Variants in GMPS observed in about 807,000 individuals in gnomAD.
The protein encoded by GMPS is GMP synthase [glutamine-hydrolyzing].
In GMPS, 15 loss-of-function variants were observed where a neutral mutation model predicts 77.9. That is an observed-to-expected ratio of 0.19 (90% CI 0.13 to 0.30). GMPS has a LOEUF of 0.30. GMPS is among the 10% of genes least tolerant of loss of function. The pLI, the probability that GMPS is intolerant of heterozygous loss-of-function variation, is 1.00. For missense variants in GMPS, 590 were observed against 838.8 expected, an observed-to-expected ratio of 0.70 and a Z score of 3.66; for synonymous variants, 224 against 275.9, an observed-to-expected ratio of 0.81 and a Z score of 1.86.
intron 10 of GMPS, 107 bp downstream of exon 10, chr3:155,919,445 A>G (rs1286943473): frequency 1.6e-6 from 1 of 612,864 alleles, no homozygotes; most frequent in Non-Finnish European, 3.0e-6. Context: ...GGAATATGTA[A>G]CATGAGAGAA....
Position 155,911,296 on chromosome 3 carries a change from GA to G in GMPS, c.886+21del, listed in dbSNP as rs1193895838. ...AGGTCAAAGGTATTGAAGAACCTCA[GA>G]AAAGTTAACTTACATGTTAGGACTT... On this transcript the variant is annotated intron_variant, in intron 7 of 15. Coordinates refer to ENST00000496455, the MANE Select transcript of GMPS (RefSeq NM_003875.3). 1.9e-6 allele frequency: 3 copies of G among 1,554,626 alleles called. 1 individual carries two copies. In the Admixed American group the frequency reaches 5.9e-5, roughly 30 times the overall value.
intron 13 of GMPS, 80 bp downstream of exon 13, chr3:155,931,960 C>G: frequency 2.9e-6 from 2 of 679,146 alleles, no homozygotes; most frequent in Non-Finnish European, 5.3e-6. Flanking sequence ...AATGGAAGAC[C>G]AAAAGGCTCA....
chr3:155,878,409 T>C (rs1031707113), intron 1 of GMPS, among the ~76,000 whole-genome samples: 17 of 152,232 alleles, frequency 1.1e-4, no homozygotes, highest in African/African-American at 4.1e-4. Flanking sequence ...TATCAGTTGA[T>C]GAACATTGGG....
intron 15 of GMPS, 91 bp downstream of exon 15, chr3:155,936,601 T>C (rs995953851): frequency 1.2e-5 from 9 of 741,780 alleles, no homozygotes; most frequent in Admixed American, 2.5e-5. Flanking sequence ...AGTGCTGTAT[T>C]TCTTATGTTG....
rs1755025935 is a variant in GMPS at position 155,911,108 on chromosome 3, C to T, written c.721-6C>T. On this transcript the variant is annotated splice_polypyrimidine_tract_variant and splice_region_variant and intron_variant, in intron 6 of 15. Coordinates refer to ENST00000496455, the MANE Select transcript of GMPS (RefSeq NM_003875.3). ...GCTCATTTTGATTTTTCATTTTACC[C>T]CGTAGGTTTTACTCAGTGGTGGAGT... The T allele has an allele frequency of 6.3e-7, 1 of 1,584,662 alleles. No homozygotes were observed. Among genetic ancestry groups the T allele is most frequent in the Non-Finnish European group, 8.6e-7 (1 of 1,166,826 alleles).
intron 1 of GMPS, 78 bp downstream of exon 1, chr3:155,870,975 C>A (rs1490388647): frequency 1.4e-5 from 18 of 1,296,572 alleles, no homozygotes; most frequent in Non-Finnish European, 1.7e-5. Context: ...CCGCGAGGCC[C>A]TTCCCCACCC....
In GMPS at chr3:155,938,031, G is replaced by T. The variant is rs146666169; in HGVS notation, c.*339G>T. 1.8e-4 allele frequency: 45 copies of T among 255,090 alleles called. 1 individual carries two copies. Among genetic ancestry groups the T allele is most frequent in the African/African-American group, 9.8e-4 (45 of 46,048 alleles). The allele number at this position is 255,090 out of a possible 1,614,324, so 15.8% of individuals were successfully genotyped here. On this transcript the variant is annotated 3_prime_UTR_variant, in exon 16 of 16. Coordinates refer to ENST00000496455, the MANE Select transcript of GMPS (RefSeq NM_003875.3). Reference sequence around the variant, plus strand: ...AATTTGGGGGTAATTATGGGCTTCTGTCTCCTTACCAGTTTCTAAGAACTG... The same window carrying T: ...AATTTGGGGGTAATTATGGGCTTCTTTCTCCTTACCAGTTTCTAAGAACTG...
At position 155,922,308 on chromosome 3, in the gene GMPS, A is replaced by G. The variant is rs1410560503; in HGVS notation, c.1434+6A>G. On this transcript the variant is annotated splice_donor_region_variant and intron_variant, in intron 11 of 15. Transcript: ENST00000496455. ...TTTCTGCAAGTGTTAAAAAGGTAAT[A>G]TTTGATACAGCTAATCATTACAAGA... is the stretch of plus-strand genomic sequence containing the variant. 3 of 1,054,590 alleles carry G rather than the reference A, an allele frequency of 2.8e-6. No homozygotes were observed. The highest frequency in any genetic ancestry group is 5.2e-5 in the East Asian group (2 of 38,558). The allele number at this position is 1,054,590 out of a possible 1,614,324, so 65.3% of individuals were successfully genotyped here. A position where few individuals can be genotyped will look rare whatever the true frequency, so the allele number is the denominator to read the frequency against.
chr3:155,900,329 GCCTGCAC>G (rs1433330067), intron 3 of GMPS, among the ~76,000 whole-genome samples: 1 of 150,632 alleles, frequency 6.6e-6, no homozygotes, highest in Admixed American at 6.6e-5. Context: ...TCTTAGAAGA[GCCTGCAC>G]CCTGATTGAG....
At chr3:155,874,777 A>G (rs1041221971) in intron 1 of GMPS, among the ~76,000 whole-genome samples, 61 of 151,918 alleles carry the variant, frequency 4.0e-4, no homozygotes, top group African/African-American at 1.4e-3. Flanking sequence ...GTACAAATGT[A>G]TTTGATACTT....
At chr3:155,899,501 A>G (rs1754683211) in intron 3 of GMPS, among the ~76,000 whole-genome samples, 1 of 151,488 alleles carries the variant, frequency 6.6e-6, no homozygotes, top group Admixed American at 6.6e-5. Flanking sequence ...GAAGGTATAG[A>G]AATATCTTAT....
chr3:155,929,391 A>ACC (rs1755543270), intron 12 of GMPS, among the ~76,000 whole-genome samples: 1 of 152,020 alleles, frequency 6.6e-6, no homozygotes, highest in African/African-American at 2.4e-5. Context: ...TCTATGACAA[A>ACC]CCCACAGCCA....
In GMPS at chr3:155,893,546, A is replaced by T; in HGVS notation, c.56A>T (p.Asp19Val). 1 of 1,611,418 alleles carries T rather than the reference A, an allele frequency of 6.2e-7. No individual in the cohort carries two copies. ...GAGAATGCTGGAGGAGACCTTAAGG[A>T]TGGCCACCACCACTATGAAGGAGCT... ...KLENAGGDLK[D>V]GHHHYEGAVV... Residue 19 changes from aspartate (D) to valine (V), a missense_variant, in exon 2 of 16, where the codon GAT (aspartate) becomes GTT (valine). Around this residue, in one of 6 missense-constraint regions of GMPS, gnomAD observed 47 missense variants for 45.5 expected, o/e 1.03. Coordinates refer to ENST00000496455, the MANE Select transcript of GMPS (RefSeq NM_003875.3).
intron 11 of GMPS, among the ~76,000 whole-genome samples, chr3:155,924,061 G>A (rs554930167): frequency 1.2e-4 from 19 of 152,250 alleles, no homozygotes; most frequent in African/African-American, 3.8e-4. Flanking sequence ...TGTATTTTTA[G>A]TTGAGACGGG....
intron 11 of GMPS, among the ~76,000 whole-genome samples, chr3:155,922,677 A>G (rs1560050565): frequency 6.6e-6 from 1 of 152,200 alleles, no homozygotes; most frequent in Non-Finnish European, 1.5e-5. Flanking sequence ...TTGGGTTTTT[A>G]CAATTTCATT....
At chr3:155,924,484 AGATT>A (rs1433291835) in intron 11 of GMPS, among the ~76,000 whole-genome samples, 1 of 152,222 alleles carries the variant, frequency 6.6e-6, no homozygotes, top group African/African-American at 2.4e-5. Flanking sequence ...GAAGGACAGA[AGATT>A]GATTATCTTT....
chr3:155,934,983 A>G lies in GMPS; in HGVS notation c.1744A>G (p.Thr582Ala), dbSNP rs1755725668. 2 of 1,597,560 alleles carry G rather than the reference A, an allele frequency of 1.3e-6. No individual in the cohort carries two copies. The highest frequency in any genetic ancestry group is 1.3e-5 in the African/African-American group (1 of 74,688). The change falls in exon 14 of 16, where the codon ACA becomes GCA. Residue 582 changes from threonine (T) to alanine (A), a missense_variant. Around this residue, in one of 6 missense-constraint regions of GMPS, gnomAD observed 73 missense variants for 170.5 expected, o/e 0.43. Transcript: ENST00000496455. ...AGATGTTACTCCCACTTTCTTGACA[A>G]CAGGGGTGCTCAGTACTTTACGCCA... ...PTDVTPTFLT[T>A]GVLSTLRQAD...
chr3:155,921,933 T>C (rs1314933600), intron 10 of GMPS, among the ~76,000 whole-genome samples: 1 of 152,208 alleles, frequency 6.6e-6, no homozygotes, highest in Non-Finnish European at 1.5e-5. Flanking sequence ...CAAAAAGTTA[T>C]GCAGACTAAA....
chr3:155,870,099 G>A (rs181272404), upstream of GMPS, among the ~76,000 whole-genome samples: 518 of 152,334 alleles, frequency 3.4e-3, 1 homozygote, highest in African/African-American at 0.012. Context: ...TTTGTGGGGA[G>A]CTGTATAACT....
Sources: allele counts gnomAD v4.1 joint callset (sites outside exome capture counted in the v4.1 genomes callset), GRCh38; gene constraint gnomAD v4.1.1; regional missense constraint gnomAD v4.1.1; transcripts MANE v1.5; gene names NCBI Gene and HGNC (gene_info 2026-07-23, HGNC 2026-07-21).